The following CABIN1 variants were observed in gnomAD, a reference collection of about 807,000 sequenced individuals.
CABIN1 encodes the protein calcineurin-binding protein cabin-1.
CABIN1 carries 133 observed loss-of-function variants against 227.7 expected under a neutral mutation model. The ratio of observed to expected loss-of-function variants is 0.58; its 90% confidence interval spans 0.51 to 0.67. CABIN1 has a LOEUF of 0.67. Among genes scored for constraint, CABIN1 ranks in the 30% least tolerant of loss-of-function variants. CABIN1 has a pLI of 0.00. For synonymous variants in CABIN1, 1,086 were observed against 1,155.1 expected, an observed-to-expected ratio of 0.94 and a Z score of 1.21; for missense variants, 2,408 against 2,852.5, an observed-to-expected ratio of 0.84 and a Z score of 3.55.
chr22:24,113,850 C>A (rs1298932784), intron 27 of CABIN1, 102 bp downstream of exon 27: 15 of 1,242,830 alleles, frequency 1.2e-5, no homozygotes, highest in Non-Finnish European at 1.6e-5. Flanking sequence ...CTGGGCAAGT[C>A]ACTTACTCCC....
At chr22:24,164,079 ACTGT>A (rs996749378) in intron 29 of CABIN1, among the ~76,000 whole-genome samples, 3 of 152,200 alleles carry the variant, frequency 2.0e-5, no homozygotes, top group East Asian at 1.9e-4. Context: ...TGGGCCTCTC[ACTGT>A]CTGTCCTCAC....
rs1001100137 is a variant in CABIN1, at chr22:24,176,034, A to G, written c.6041-77A>G. The G allele has an allele frequency of 1.4e-4, 206 of 1,510,908 alleles. 1 individual carries two copies. Among genetic ancestry groups the G allele is most frequent in the Admixed American group, 1.7e-4 (9 of 51,786 alleles). 93.6% of individuals were successfully genotyped at this position (1,510,908 alleles called of 1,614,324 possible). A position where few individuals can be genotyped will look rare whatever the true frequency, so the allele number is the denominator to read the frequency against. The stretch of plus-strand genomic sequence containing the variant: ...GTGTCCCAGGGCACAACCTGGGCCC[A>G]TAGGACCTGACACAGATGCGTTGGA... On this transcript the variant is annotated intron_variant, in intron 34 of 36. Transcript: ENST00000263119.
At position 24,113,687 on chromosome 22, in the gene CABIN1, C is replaced by T; in HGVS notation, c.4239C>T (p.Pro1413=). Reference sequence around the variant, plus strand: ...AATCCTACACAGAGAAGAGGCTGCCCATTCTCAGTTCCCAAGCAGGAGCGA... The same window carrying T: ...AATCCTACACAGAGAAGAGGCTGCCTATTCTCAGTTCCCAAGCAGGAGCGA... ...SRKSYTEKRL[P]ILSSQAGATG... The change falls in exon 27 of 37, where the codon CCC becomes CCT. Residue 1413 remains proline (P), a synonymous_variant. Transcript: ENST00000263119. 6.2e-7 allele frequency: 1 copy of T among 1,614,054 alleles called. No individual in the cohort carries two copies. The highest frequency in any genetic ancestry group is 1.1e-5 in the South Asian group (1 of 91,080).
intron 1 of CABIN1, among the ~76,000 whole-genome samples, chr22:24,029,061 A>G (rs983165241): frequency 6.6e-5 from 10 of 152,306 alleles, no homozygotes; most frequent in Middle Eastern, 6.8e-3. Context: ...GGTACTCGAT[A>G]TTTAAAAACT....
intron 6 of CABIN1, among the ~76,000 whole-genome samples, chr22:24,045,249 A>G (rs1287606828): frequency 2.0e-5 from 3 of 152,078 alleles, no homozygotes; most frequent in African/African-American, 7.2e-5. Context: ...CAATCCTTAC[A>G]TACCAATATT....
In CABIN1 at chr22:24,177,461, G is replaced by T; in HGVS notation, c.6206-43G>T. The T allele has an allele frequency of 6.8e-7, 1 of 1,479,442 alleles. No individual in the cohort carries two copies. The highest frequency in any genetic ancestry group is 1.3e-5 in the South Asian group (1 of 75,214). The allele number at this position is 1,479,442 out of a possible 1,614,324, so 91.6% of individuals were successfully genotyped here. On this transcript the variant is annotated intron_variant, in intron 35 of 36. Coordinates refer to ENST00000263119, the MANE Select transcript of CABIN1 (RefSeq NM_012295.4). The surrounding 1 kb of genome is among the most constrained non-coding windows in gnomAD (Gnocchi z 4.4). ...GGGCGAGATAAAGTGCTCACTGTGT[G>T]ATGCGGCAGGCAGGAAGTGCTCTTG...
At chr22:24,043,307 C>CTTTT (rs745547509) in intron 6 of CABIN1, among the ~76,000 whole-genome samples, 86 of 71,084 alleles carry the variant, frequency 1.2e-3, no homozygotes, top group African/African-American at 3.6e-3. Context: ...AATGATTTTA[C>CTTTT]TTTTTTTTTT....
chr22:24,050,821 T>G lies in CABIN1; in HGVS notation c.657-4T>G, dbSNP rs1402734323. On this transcript the variant is annotated splice_polypyrimidine_tract_variant and splice_region_variant and intron_variant, in intron 7 of 36. Transcript: ENST00000263119. ...TAATTTCTCCCTGTCTCACATGCTTTTAGTGACATGTCGATTCACGATGTT... is the reference window on the plus strand; with the variant it reads ...TAATTTCTCCCTGTCTCACATGCTTGTAGTGACATGTCGATTCACGATGTT... 4 of 1,614,114 alleles carry G rather than the reference T, an allele frequency of 2.5e-6. No individual in the cohort carries two copies. Among genetic ancestry groups the G allele is most frequent in the Non-Finnish European group, 2.5e-6 (3 of 1,180,042 alleles).
intron 23 of CABIN1, among the ~76,000 whole-genome samples, chr22:24,088,306 C>T (rs760966352): frequency 3.9e-5 from 6 of 152,170 alleles, no homozygotes; most frequent in South Asian, 2.1e-4. Context: ...TTAACATTAC[C>T]GTCTTTAAAA....
At chr22:24,150,909 A>C (rs2045442323) in intron 29 of CABIN1, among the ~76,000 whole-genome samples, 1 of 152,108 alleles carries the variant, frequency 6.6e-6, no homozygotes, top group African/African-American at 2.4e-5. Context: ...GCCGTAATGG[A>C]GGGTGCTATG....
intron 1 of CABIN1, among the ~76,000 whole-genome samples, chr22:24,017,039 C>CTTTT (rs767688741): frequency 4.9e-5 from 6 of 122,226 alleles, no homozygotes; most frequent in South Asian, 2.6e-4. Flanking sequence ...TACAATTTAT[C>CTTTT]TTTTTTTTTT....
chr22:24,050,194 A>G (rs767166557), intron 7 of CABIN1, among the ~76,000 whole-genome samples: 2 of 152,190 alleles, frequency 1.3e-5, no homozygotes, highest in South Asian at 2.1e-4. Context: ...GTTGGCAGAG[A>G]TAGGAACTGA....
rs574185368 is a variant in CABIN1, at chr22:24,105,340, G to A, written c.4117+7148G>A. 1.6e-3 allele frequency among the ~76,000 whole-genome samples: 247 copies of A among 152,306 alleles called. 1 individual carries two copies. Among genetic ancestry groups the A allele is most frequent in the African/African-American group, 5.7e-3 (235 of 41,566 alleles). ...CTAAGGATTCAGAGGGAAGGCTGGCGTGGCCCAGATGCATAGACACGAAAC... is the reference window on the plus strand; with the variant it reads ...CTAAGGATTCAGAGGGAAGGCTGGCATGGCCCAGATGCATAGACACGAAAC... On this transcript the variant is annotated intron_variant, in intron 26 of 36. Coordinates refer to ENST00000263119, the MANE Select transcript of CABIN1 (RefSeq NM_012295.4).
chr22:24,127,638 C>T (rs911951497), intron 28 of CABIN1, among the ~76,000 whole-genome samples: 2 of 152,128 alleles, frequency 1.3e-5, no homozygotes, highest in African/African-American at 4.8e-5. Flanking sequence ...AGCAGCCTGG[C>T]AGCGCTAGCC....
At chr22:24,159,249 T>C (rs2046012171) in intron 29 of CABIN1, among the ~76,000 whole-genome samples, 1 of 152,232 alleles carries the variant, frequency 6.6e-6, no homozygotes, top group Non-Finnish European at 1.5e-5. Context: ...TCCAGGGGAC[T>C]GTGGCAGGGC....
At chr22:24,062,077 G>T in intron 13 of CABIN1, 52 bp downstream of exon 13, 1 of 1,447,636 alleles carries the variant, frequency 6.9e-7, no homozygotes, top group African/African-American at 1.4e-5. Flanking sequence ...ACCCCCAGCA[G>T]CTGGGAGAAA....
chr22:24,153,901 C>T (rs2045634813), intron 29 of CABIN1, among the ~76,000 whole-genome samples: 1 of 152,224 alleles, frequency 6.6e-6, no homozygotes, highest in Non-Finnish European at 1.5e-5. Context: ...TAGCCAGGCA[C>T]TGGGACCCCA....
chr22:24,142,526 G>A (rs1001923052), intron 29 of CABIN1, among the ~76,000 whole-genome samples: 1 of 152,112 alleles, frequency 6.6e-6, no homozygotes, highest in African/African-American at 2.4e-5. Context: ...TCACCTCCCT[G>A]ACCAGCCCCA....
rs531399415 is a variant in CABIN1, at chr22:24,170,755, C to G, written c.5758-958C>G. ...GGGTCATCGGTGGTAGCAAACTGCC[C>G]CCCCCCCCGCCCCCATGCACTGAGG... On this transcript the variant is annotated intron_variant, in intron 33 of 36. Transcript: ENST00000263119. Among the ~76,000 whole-genome samples the G allele has an allele frequency of 5.6e-4, 83 of 147,436 alleles. 6 individuals are homozygous for G. The highest frequency in any genetic ancestry group is 2.1e-3 in the African/African-American group (83 of 39,352).
Sources: allele counts gnomAD v4.1 joint callset (sites outside exome capture counted in the v4.1 genomes callset), GRCh38; gene constraint gnomAD v4.1.1; non-coding constraint Gnocchi (gnomAD v3.1); transcripts MANE v1.5; gene names NCBI Gene and HGNC (gene_info 2026-07-23, HGNC 2026-07-21).